Variants in SPATA1 observed in about 807,000 individuals in gnomAD.
SPATA1 encodes spermatogenesis associated 1, also known as spermatogenesis-associated protein 1.
A neutral mutation model predicts 59.6 loss-of-function variants in SPATA1; 57 were observed. That is an observed-to-expected ratio of 0.96 (90% CI 0.77 to 1.19). SPATA1 has a LOEUF of 1.19. SPATA1 is among the 50% of genes most tolerant of loss of function. The probability of loss-of-function intolerance (pLI) is 0.00; values close to 1 mark genes in which losing one functional copy is unlikely to be tolerated. For synonymous variants in SPATA1, 147 were observed against 163.9 expected, an observed-to-expected ratio of 0.90 and a Z score of 0.79; for missense variants, 448 against 480.7, an observed-to-expected ratio of 0.93 and a Z score of 0.64.
At chr1:84,534,988 T>G (rs1455216093) in intron 8 of SPATA1, among the ~76,000 whole-genome samples, 1 of 152,160 alleles carries the variant, frequency 6.6e-6, no homozygotes, top group East Asian at 1.9e-4. Flanking sequence ...CAGTGATAAT[T>G]TTTGTTAAAT....
chr1:84,516,340 C>G (rs772027602), exon 2 of SPATA1: 1 of 1,510,646 alleles, frequency 6.6e-7, no homozygotes, highest in South Asian at 1.4e-5. Flanking sequence ...GATAATTATC[C>G]CATTCAGACA....
downstream of SPATA1, chr1:84,555,065 A>ATC: frequency 6.2e-7 from 1 of 1,614,042 alleles, no homozygotes; most frequent in African/African-American, 1.3e-5. Flanking sequence ...TGGCTACAGC[A>ATC]TCTCCAGAGT....
chr1:84,520,564 T>C (rs1477269012), intron 2 of SPATA1, 21 bp from the exon 3 acceptor site: 1 of 1,366,312 alleles, frequency 7.3e-7, no homozygotes, highest in Non-Finnish European at 1.0e-6. Context: ...TTTTAACCGA[T>C]GTTCTTCTCA....
rs138752249 is a variant in SPATA1 at position 84,563,385 on chromosome 1, G to A, written n.443-2476G>A. 2,091 of 1,574,570 alleles carry A rather than the reference G, an allele frequency of 1.3e-3. 7 individuals are homozygous for A. The highest frequency in any genetic ancestry group is 1.7e-3 in the Non-Finnish European group (1,919 of 1,162,674). On this transcript the variant is annotated intron_variant and non_coding_transcript_variant, in intron 4 of 4. Coordinates refer to the SPATA1 transcript ENST00000460286. ...GCAGCGTCACTACAAGGAGCCCCCC[G>A]GAAAGGGACTTTTGCAATGGTACAA...
chr1:84,560,691 T>C (rs1684578500), intron 4 of SPATA1, among the ~76,000 whole-genome samples: 1 of 152,166 alleles, frequency 6.6e-6, no homozygotes, highest in Non-Finnish European at 1.5e-5. Context: ...GATTCTCTTG[T>C]TAGGGACTAA....
At chr1:84,536,735 C>T (rs1309156931) in intron 8 of SPATA1, among the ~76,000 whole-genome samples, 1 of 152,052 alleles carries the variant, frequency 6.6e-6, no homozygotes, top group East Asian at 1.9e-4. Flanking sequence ...TGAGCCACCG[C>T]ACCCGGCCCA....
intron 12 of SPATA1, chr1:84,551,996 C>CA (rs1227771183): frequency 6.6e-6 from 1 of 151,540 alleles, no homozygotes; most frequent in East Asian, 1.9e-4. Flanking sequence ...ATTGTTCATA[C>CA]AAAAACAGTA....
intron 1 of SPATA1, among the ~76,000 whole-genome samples, chr1:84,511,405 A>G (rs927414037): frequency 2.6e-5 from 4 of 152,152 alleles, no homozygotes; most frequent in African/African-American, 7.2e-5. Context: ...AAATGTCCTT[A>G]TATATCCTGA....
chr1:84,540,422 T>G (rs1377476578), intron 8 of SPATA1, among the ~76,000 whole-genome samples: 1 of 152,186 alleles, frequency 6.6e-6, no homozygotes, highest in Non-Finnish European at 1.5e-5. Context: ...TCCTTCTGCT[T>G]TTGATTTGCT....
intron 1 of SPATA1, among the ~76,000 whole-genome samples, chr1:84,512,574 A>G (rs981776500): frequency 2.2e-4 from 34 of 152,222 alleles, no homozygotes; most frequent in African/African-American, 7.5e-4. Flanking sequence ...AAGTATCAGA[A>G]TTTCTTAAGC....
chr1:84,534,737 T>G (rs990598046), intron 8 of SPATA1, among the ~76,000 whole-genome samples: 66 of 152,160 alleles, frequency 4.3e-4, no homozygotes, highest in Non-Finnish European at 1.0e-4. Flanking sequence ...GTGGAGGTAC[T>G]ATTATCTCTA....
chr1:84,557,554 G>GAAA (rs1179521999), downstream of SPATA1, among the ~76,000 whole-genome samples: 134 of 70,134 alleles, frequency 1.9e-3, 1 homozygote, highest in African/African-American at 0.012. Context: ...AAAAAAAAAA[G>GAAA]AAAAAAAAAA....
intron 8 of SPATA1, among the ~76,000 whole-genome samples, chr1:84,540,938 T>C (rs929095256): frequency 1.2e-4 from 19 of 152,364 alleles, no homozygotes; most frequent in African/African-American, 4.6e-4. Flanking sequence ...AGAAAAACTG[T>C]GCTAATTCCT....
chr1:84,507,264 T>C (rs2101898694), intron 1 of SPATA1: 1 of 152,318 alleles, frequency 6.6e-6, no homozygotes, highest in East Asian at 1.9e-4. Flanking sequence ...TTTCAAATTT[T>C]TTATTAGGGA....
downstream of SPATA1, among the ~76,000 whole-genome samples, chr1:84,558,343 G>A (rs988537703): frequency 6.7e-6 from 1 of 150,340 alleles, no homozygotes; most frequent in Middle Eastern, 3.2e-3. Flanking sequence ...AGGCTGGAGT[G>A]CAGTGGCGGG....
Position 84,563,810 on chromosome 1 carries a change from C to T in SPATA1, n.443-2051C>T, listed in dbSNP as rs573845590. 27 of 1,607,292 alleles carry T rather than the reference C, an allele frequency of 1.7e-5. No homozygotes were observed. The South Asian group carries it at 2.8e-4, about 17-fold the overall frequency. The stretch of plus-strand genomic sequence containing the variant: ...TTACAAGTTTCTTAGGATTAATGCT[C>T]ATCTTGATGTAGTCATTATATCCTA... On this transcript the variant is annotated intron_variant and non_coding_transcript_variant, in intron 4 of 4. Transcript: ENST00000460286.
intron 8 of SPATA1, among the ~76,000 whole-genome samples, chr1:84,534,623 A>G (rs937244423): frequency 2.0e-5 from 3 of 152,110 alleles, no homozygotes; most frequent in Admixed American, 1.3e-4. Flanking sequence ...TACCTAAATA[A>G]TACTACTAAT....
chr1:84,557,764 AG>A (rs570510691), downstream of SPATA1, among the ~76,000 whole-genome samples: 248 of 151,336 alleles, frequency 1.6e-3, no homozygotes, highest in Middle Eastern at 3.4e-3. Flanking sequence ...AGGCTAAGGC[AG>A]GAGAATGGCG....
At chr1:84,511,182 G>GCT (rs1255803251) in intron 1 of SPATA1, among the ~76,000 whole-genome samples, 1 of 152,128 alleles carries the variant, frequency 6.6e-6, no homozygotes, top group Non-Finnish European at 1.5e-5. Context: ...AACAATAAAT[G>GCT]CTTGAGGTCA....
Sources: gnomAD v4.1 joint callset for allele counts (sites outside exome capture counted in the v4.1 genomes callset) on GRCh38, gnomAD v4.1.1 for gene constraint, MANE v1.5 for transcripts, NCBI Gene and HGNC (gene_info 2026-07-23, HGNC 2026-07-21) for gene names.